RCN3: variants seen among roughly 807,000 people sequenced by gnomAD.
RCN3 encodes the protein reticulocalbin-3.
In RCN3, 41 loss-of-function variants were observed where a neutral mutation model predicts 35.9. That is an observed-to-expected ratio of 1.14 (90% CI 0.89 to 1.48). The LOEUF (loss-of-function observed/expected upper bound fraction) is 1.48. RCN3 is among the 40% of genes most tolerant of loss of function. The pLI, the probability that RCN3 is intolerant of heterozygous loss-of-function variation, is 0.00. For synonymous variants in RCN3, 187 were observed against 193.4 expected, an observed-to-expected ratio of 0.97 and a Z score of 0.27; for missense variants, 451 against 471.3, an observed-to-expected ratio of 0.96 and a Z score of 0.40.
chr19:49,532,681 GTTA>G (rs752038851), intron 2 of RCN3, among the ~76,000 whole-genome samples: 2 of 129,718 alleles, frequency 1.5e-5, no homozygotes, highest in African/African-American at 5.9e-5. Context: ...GCCTATTATT[GTTA>G]TTATTATTTG....
chr19:49,542,442 G>A (rs2080167044), intron 5 of RCN3, 111 bp from the exon 6 acceptor site: 1 of 688,936 alleles, frequency 1.5e-6, no homozygotes, highest in African/African-American at 1.8e-5. Context: ...AGAGAGGGTA[G>A]TGAGTTGCTC....
chr19:49,537,734 G>A (rs548341589), intron 4 of RCN3, among the ~76,000 whole-genome samples: 1 of 152,062 alleles, frequency 6.6e-6, no homozygotes, highest in Admixed American at 6.6e-5. Context: ...TTTGACCTCA[G>A]GTGATCCGCC....
In RCN3 at chr19:49,543,186, C is replaced by A. The variant is rs748639682; in HGVS notation, c.960C>A (p.Asp320Glu). Residue 320 changes from aspartate to glutamate, a missense_variant, in exon 7 of 7, where the codon GAC becomes GAA. Coordinates refer to ENST00000270645, the MANE Select transcript of RCN3 (RefSeq NM_020650.3). ...VGSQATNYGE[D>E]LTRHHDEL is the part of the protein sequence containing the mutation. Reference sequence around the variant, plus strand: ...GTCAGGCCACCAACTATGGCGAGGACCTGACCCGGCACCACGATGAGCTGT... The same window carrying A: ...GTCAGGCCACCAACTATGGCGAGGAACTGACCCGGCACCACGATGAGCTGT... The A allele has an allele frequency of 1.2e-6, 2 of 1,613,806 alleles. No homozygotes were observed. Among genetic ancestry groups the A allele is most frequent in the East Asian group, 4.5e-5 (2 of 44,854 alleles).
Position 49,543,227 on chromosome 19 carries a change from G to A in RCN3, c.*14G>A, listed in dbSNP as rs1341515498. 2 of 1,599,150 alleles carry A rather than the reference G, an allele frequency of 1.3e-6. No individual in the cohort carries two copies. The highest frequency in any genetic ancestry group is 1.7e-5 in the Admixed American group (1 of 59,494). ...GATGAGCTGTGAGCACCGCGCACCT[G>A]CCACAGCCTCAGAGGCCCGCACAAT... On this transcript the variant is annotated 3_prime_UTR_variant, in exon 7 of 7. Coordinates refer to ENST00000270645, the MANE Select transcript of RCN3 (RefSeq NM_020650.3).
chr19:49,543,485 T>C lies in RCN3; in HGVS notation c.*272T>C. ...GACCCAGGGACCCTTGGCCCCAAGC[T>C]CAGCTCTAAGAACCGCCCCAACCCC... On this transcript the variant is annotated 3_prime_UTR_variant, in exon 7 of 7. Coordinates refer to ENST00000270645, the MANE Select transcript of RCN3 (RefSeq NM_020650.3). The C allele has an allele frequency of 2.1e-6, 1 of 484,282 alleles. No homozygotes were observed. The highest frequency in any genetic ancestry group is 2.3e-5 in the South Asian group (1 of 42,842). The allele number at this position is 484,282 out of a possible 1,614,324, so 30.0% of individuals were successfully genotyped here. A position where few individuals can be genotyped will look rare whatever the true frequency, so the allele number is the denominator to read the frequency against.
chr19:49,530,334 T>G (rs1057423796), intron 2 of RCN3, among the ~76,000 whole-genome samples: 1 of 150,462 alleles, frequency 6.6e-6, no homozygotes, highest in African/African-American at 2.4e-5. Flanking sequence ...TAATTTTTTT[T>G]TTTTTTTTTG....
At chr19:49,539,450 G>A (rs746126109) in intron 5 of RCN3, among the ~76,000 whole-genome samples, 8 of 147,348 alleles carry the variant, frequency 5.4e-5, no homozygotes, top group African/African-American at 1.1e-4. Context: ...GGGTGGTTGC[G>A]CCTACAGCAG....
chr19:49,541,123 T>A (rs1239050566), intron 5 of RCN3, among the ~76,000 whole-genome samples: 2 of 151,584 alleles, frequency 1.3e-5, no homozygotes, highest in Non-Finnish European at 2.9e-5. Flanking sequence ...AGAGACGGGG[T>A]TTCACCATTT....
intron 6 of RCN3, 55 bp from the exon 7 acceptor site, chr19:49,543,050 AG>A (rs2080171147): frequency 7.1e-7 from 1 of 1,401,772 alleles, no homozygotes; most frequent in African/African-American, 1.4e-5. Flanking sequence ...GGATGCAGGG[AG>A]GGCTTTTGAA....
At chr19:49,531,945 C>T (rs1383090655) in intron 2 of RCN3, among the ~76,000 whole-genome samples, 1 of 150,664 alleles carries the variant, frequency 6.6e-6, no homozygotes, top group African/African-American at 2.4e-5. Flanking sequence ...GGACTACAGG[C>T]GCCCACCACC....
At chr19:49,541,113 A>G (rs1329295372) in intron 5 of RCN3, among the ~76,000 whole-genome samples, 1 of 151,936 alleles carries the variant, frequency 6.6e-6, no homozygotes, top group African/African-American at 2.4e-5. Flanking sequence ...TATTTTTAGT[A>G]GAGACGGGGT....
intron 2 of RCN3, among the ~76,000 whole-genome samples, chr19:49,533,181 A>G (rs1185799790): frequency 1.3e-5 from 2 of 152,210 alleles, no homozygotes; most frequent in African/African-American, 2.4e-5. Context: ...AGCGCTTAAC[A>G]ACACCAGGAA....
intron 4 of RCN3, among the ~76,000 whole-genome samples, chr19:49,537,654 G>A (rs577128036): frequency 2.0e-5 from 3 of 151,722 alleles, no homozygotes; most frequent in South Asian, 2.1e-4. Flanking sequence ...TTACAGGGGC[G>A]CACCACCACA....
At chr19:49,532,602 C>T (rs934500517) in intron 2 of RCN3, among the ~76,000 whole-genome samples, 5 of 151,874 alleles carry the variant, frequency 3.3e-5, no homozygotes, top group Non-Finnish European at 5.9e-5. Context: ...TGGAACTCCT[C>T]ACCTCAGGTG....
At chr19:49,534,172 T>A (rs2080122755) in intron 2 of RCN3, 21 bp from the exon 3 acceptor site, 1 of 1,476,518 alleles carries the variant, frequency 6.8e-7, no homozygotes, top group South Asian at 1.3e-5. Flanking sequence ...GAGCCTGACG[T>A]GTGCCCGCCC....
intron 1 of RCN3, 95 bp from the exon 2 acceptor site, chr19:49,528,372 C>T (rs2080091725): frequency 8.1e-7 from 1 of 1,228,740 alleles, no homozygotes; most frequent in Non-Finnish European, 1.1e-6. Flanking sequence ...AACTCCCTGT[C>T]CTGTCCTAGG....
intron 2 of RCN3, among the ~76,000 whole-genome samples, chr19:49,531,884 T>G (rs577214706): frequency 6.6e-6 from 1 of 152,230 alleles, no homozygotes; most frequent in East Asian, 1.9e-4. Context: ...CACTGCAAGC[T>G]CCACCTCCCG....
At chr19:49,537,558 A>G (rs1369301522) in intron 4 of RCN3, among the ~76,000 whole-genome samples, 1 of 151,532 alleles carries the variant, frequency 6.6e-6, no homozygotes, top group Non-Finnish European at 1.5e-5. Flanking sequence ...CCAGGCTGGA[A>G]AGCAGTGGTG....
In RCN3 at chr19:49,528,608, G is replaced by T; in HGVS notation, c.136G>T (p.Asp46Tyr). The T allele has an allele frequency of 6.2e-7, 1 of 1,612,022 alleles. No individual in the cohort carries two copies. The highest frequency in any genetic ancestry group is 8.5e-7 in the Non-Finnish European group (1 of 1,179,160). Residue 46 changes from aspartate (D) to tyrosine (Y), a missense_variant, in exon 2 of 7, where the codon GAT becomes TAT. Transcript: ENST00000270645. ...QAAPLSDAPH[D>Y]DAHGNFQYDH... Reference sequence around the variant, plus strand: ...GGCCCCCCTGAGCGACGCTCCCCATGATGACGCCCACGGGAACTTCCAGTA... The same window carrying T: ...GGCCCCCCTGAGCGACGCTCCCCATTATGACGCCCACGGGAACTTCCAGTA...
Sources: gnomAD v4.1 joint callset for allele counts (sites outside exome capture counted in the v4.1 genomes callset) on GRCh38, gnomAD v4.1.1 for gene constraint, MANE v1.5 for transcripts, NCBI Gene and HGNC (gene_info 2026-07-23, HGNC 2026-07-21) for gene names.